The following NMT2 variants were observed in gnomAD, a reference collection of about 807,000 sequenced individuals.
The protein encoded by NMT2 is glycylpeptide N-tetradecanoyltransferase 2.
In NMT2, 35 loss-of-function variants were observed where a neutral mutation model predicts 65.4. The ratio of observed to expected loss-of-function variants is 0.54; its 90% confidence interval spans 0.41 to 0.71. The LOEUF (loss-of-function observed/expected upper bound fraction) is 0.71. NMT2 is among the 30% of genes least tolerant of loss of function. NMT2 has a pLI of 0.00. For synonymous variants in NMT2, 226 were observed against 231.8 expected (o/e 0.98, Z 0.23); for missense variants, 489 against 611.3 (o/e 0.80, Z 2.11).
chr10:15,135,583 A>G (rs542061131), intron 2 of NMT2, among the ~76,000 whole-genome samples, 165 bp from the exon 3 acceptor site: 1 of 152,342 alleles, frequency 6.6e-6, no homozygotes, highest in South Asian at 2.1e-4. Context: ...TGAAAATAGA[A>G]GCAAACCCTC....
Position 15,130,147 on chromosome 10 carries a change from T to A in NMT2, c.885A>T (p.Thr295=), listed in dbSNP as rs1180155571. ...AGVVLPKPIA[T]CRYWHRSLNP... ...TAGAAATATGGTACTGGTACCTGCA[T>A]GTGGCTATGGGCTTAGGAAGAACCA... Residue 295 remains threonine, a synonymous_variant, in exon 7 of 12, where the codon ACA becomes ACT. Transcript: ENST00000378165. 1 of 1,508,742 alleles carries A rather than the reference T, an allele frequency of 6.6e-7. No homozygotes were observed. The highest frequency in any genetic ancestry group is 8.9e-7 in the Non-Finnish European group (1 of 1,124,832). 93.5% of individuals were successfully genotyped at this position (1,508,742 alleles called of 1,614,324 possible). A position where few individuals can be genotyped will look rare whatever the true frequency, so the allele number is the denominator to read the frequency against.
At chr10:15,138,435 C>G (rs1846599822) in intron 2 of NMT2, 1 of 471,034 alleles carries the variant, frequency 2.1e-6, no homozygotes, top group South Asian at 1.5e-5. Context: ...TCCATAGTAG[C>G]ACTACCTGGG....
chr10:15,157,181 C>T lies in NMT2; in HGVS notation c.110+11322G>A, dbSNP rs1490215257. 2.6e-5 allele frequency among the ~76,000 whole-genome samples: 4 copies of T among 152,262 alleles called. No homozygotes were observed. The East Asian group carries it at 7.7e-4, about 29-fold the overall frequency. ...CACAGCTACGGAAATAAAGAAGTCC[C>T]TATTTCCCCGGGGCACTGTGAGTTT... On this transcript the variant is annotated intron_variant, in intron 1 of 11. Coordinates refer to ENST00000378165, the MANE Select transcript of NMT2 (RefSeq NM_004808.3).
chr10:15,141,588 C>G (rs759062699), intron 1 of NMT2, 31 bp from the exon 2 acceptor site: 1 of 1,573,136 alleles, frequency 6.4e-7, no homozygotes, highest in South Asian at 1.2e-5. Context: ...GTGAAACCAA[C>G]CAACAAACAA....
At chr10:15,132,491 A>C (rs996640613) in intron 6 of NMT2, among the ~76,000 whole-genome samples, 1 of 151,942 alleles carries the variant, frequency 6.6e-6, no homozygotes, top group African/African-American at 2.4e-5. Flanking sequence ...GCAGTGGCGC[A>C]ATCTCGGCTC....
At position 15,106,002 on chromosome 10, in the gene NMT2, A is replaced by G. The variant is rs1239561436; in HGVS notation, c.*3193T>C. The G allele has an allele frequency of 2.4e-6, 1 of 418,874 alleles. No homozygotes were observed. Among genetic ancestry groups the G allele is most frequent in the Non-Finnish European group, 4.7e-6 (1 of 212,432 alleles). 25.9% of individuals were successfully genotyped at this position (418,874 alleles called of 1,614,324 possible). On this transcript the variant is annotated 3_prime_UTR_variant, in exon 12 of 12. Transcript: ENST00000378165. The stretch of plus-strand genomic sequence containing the variant: ...CCAACTGGCAATGCTGCAGTTATTT[A>G]TTTTACTTTCGAGATAGAGTCTCAC...
At chr10:15,150,302 C>T (rs1022727018) in intron 1 of NMT2, among the ~76,000 whole-genome samples, 7 of 152,152 alleles carry the variant, frequency 4.6e-5, no homozygotes, top group Non-Finnish European at 8.8e-5. Flanking sequence ...CCATCAAATT[C>T]GATAATGGAT....
chr10:15,139,658 G>C (rs1321971497), intron 2 of NMT2: 2 of 151,642 alleles, frequency 1.3e-5, no homozygotes, highest in African/African-American at 4.8e-5. Context: ...AAAAGCTAGG[G>C]AAGAAGATTC....
chr10:15,166,030 T>C (rs537697648), intron 1 of NMT2, among the ~76,000 whole-genome samples: 17 of 152,164 alleles, frequency 1.1e-4, no homozygotes, highest in Admixed American at 2.6e-4. Context: ...TAAAACGAAA[T>C]ACCCTTTTTA....
chr10:15,155,203 TGCTCAGA>T (rs1436655246), intron 1 of NMT2: 2 of 1,534,976 alleles, frequency 1.3e-6, no homozygotes, highest in Non-Finnish European at 1.8e-6. Context: ...TTCTCTCCAG[TGCTCAGA>T]GCACGAAAGT....
chr10:15,161,660 G>A (rs914238749), intron 1 of NMT2, among the ~76,000 whole-genome samples: 6 of 151,990 alleles, frequency 3.9e-5, no homozygotes, highest in South Asian at 2.1e-4. Context: ...ACGCCTGGCC[G>A]GGAGGATGTG....
chr10:15,130,792 T>C lies in NMT2; in HGVS notation c.720-480A>G, dbSNP rs1216873438. On this transcript the variant is annotated intron_variant, in intron 6 of 11. Transcript: ENST00000378165. The stretch of plus-strand genomic sequence containing the variant: ...TCTATTTTCTTCTTTCTTTCTTTTT[T>C]TTTTTTTTTTTTTTTGAGACAGATT... 3.4e-5 allele frequency among the ~76,000 whole-genome samples: 5 copies of C among 145,350 alleles called. No homozygotes were observed. In the South Asian group the frequency reaches 8.7e-4, roughly 25 times the overall value.
chr10:15,116,621 A>G (rs931284005), intron 9 of NMT2, among the ~76,000 whole-genome samples: 9 of 152,202 alleles, frequency 5.9e-5, no homozygotes, highest in Admixed American at 1.3e-4. Flanking sequence ...GGAATATCCA[A>G]CAAAAGTCTG....
chr10:15,120,554 G>T (rs1368236814), intron 8 of NMT2, among the ~76,000 whole-genome samples: 1 of 152,142 alleles, frequency 6.6e-6, no homozygotes, highest in African/African-American at 2.4e-5. Context: ...AGCACCCAAG[G>T]ATTCTGGTAT....
Position 15,112,792 on chromosome 10 carries a change from T to C in NMT2, c.1338+4A>G. The C allele has an allele frequency of 6.2e-7, 1 of 1,607,596 alleles. No homozygotes were observed. Among genetic ancestry groups the C allele is most frequent in the Non-Finnish European group, 8.5e-7 (1 of 1,176,674 alleles). On this transcript the variant is annotated splice_donor_region_variant and intron_variant, in intron 10 of 11. Coordinates refer to ENST00000378165, the MANE Select transcript of NMT2 (RefSeq NM_004808.3). ...AACGGCGTGAACAGGAAGGAGTGGC[T>C]TACCGATTTAGCCAGGATGAGCGCG... is the stretch of plus-strand genomic sequence containing the variant.
chr10:15,150,786 G>A (rs150634557), intron 1 of NMT2, among the ~76,000 whole-genome samples: 181 of 152,234 alleles, frequency 1.2e-3, no homozygotes, highest in African/African-American at 4.1e-3. Flanking sequence ...ATATTTACAC[G>A]GCTGTTAGCA....
intron 7 of NMT2, 152 bp downstream of exon 7, chr10:15,129,990 C>T: frequency 1.9e-6 from 1 of 537,970 alleles, no homozygotes; most frequent in South Asian, 6.5e-5. Context: ...CACCAAGTGG[C>T]AAATGATATA....
chr10:15,109,904 C>T, intron 10 of NMT2, 65 bp from the exon 11 acceptor site: 2 of 1,323,912 alleles, frequency 1.5e-6, no homozygotes, highest in South Asian at 1.4e-5. Context: ...TTACATATCT[C>T]AGTTTAACAA....
intron 1 of NMT2, among the ~76,000 whole-genome samples, chr10:15,165,475 T>C (rs953219343): frequency 5.3e-5 from 8 of 152,220 alleles, no homozygotes; most frequent in Non-Finnish European, 8.8e-5. Flanking sequence ...TGTCTGAATA[T>C]AGTCTCACTA....
Sources: gnomAD v4.1 joint callset for allele counts (sites outside exome capture counted in the v4.1 genomes callset) on GRCh38, gnomAD v4.1.1 for gene constraint, MANE v1.5 for transcripts, NCBI Gene and HGNC (gene_info 2026-07-23, HGNC 2026-07-21) for gene names.